HSD17B4: variants seen among roughly 807,000 people sequenced by gnomAD.
HSD17B4 encodes peroxisomal multifunctional enzyme type 2.
In HSD17B4, 70 loss-of-function variants were observed where a neutral mutation model predicts 101.0. The ratio of observed to expected loss-of-function variants is 0.69; its 90% CI spans 0.57 to 0.85. The LOEUF (loss-of-function observed/expected upper bound fraction) is 0.85, where lower values mean the gene tolerates loss of function less well. Ranked by LOEUF, HSD17B4 falls within the 40% of genes least tolerant of loss-of-function variation. The probability of loss-of-function intolerance (pLI) is 0.00; values close to 1 mark genes in which losing one functional copy is unlikely to be tolerated. For synonymous variants in HSD17B4, 347 were observed against 297.1 expected (o/e 1.17, Z -1.73); for missense variants, 984 against 892.4 (o/e 1.10, Z -1.31).
intron 10 of HSD17B4, chr5:119,493,533 A>T (rs923802760): frequency 5.7e-6 from 2 of 352,120 alleles, no homozygotes; most frequent in Non-Finnish European, 1.1e-5. Context: ...ATTATTATAT[A>T]ATTAAACTTT....
chr5:119,460,633 G>A (rs1022676735), intron 2 of HSD17B4, among the ~76,000 whole-genome samples: 5 of 152,118 alleles, frequency 3.3e-5, no homozygotes, highest in Non-Finnish European at 5.9e-5. Flanking sequence ...CATCTAACAT[G>A]TATTTATTAA....
Position 119,509,188 on chromosome 5 carries a change from C to A in HSD17B4, c.1381C>A (p.Leu461Ile). The A allele has an allele frequency of 6.2e-7, 1 of 1,610,222 alleles. No homozygotes were observed. Among genetic ancestry groups the A allele is most frequent in the Non-Finnish European group, 8.5e-7 (1 of 1,176,524 alleles). Reference sequence around the variant, plus strand: ...ACTTATATGCCACAATCAGTTCTCTCTCTTTCTTGTTGGCTCTGGAGGCTT... The same window carrying A: ...ACTTATATGCCACAATCAGTTCTCTATCTTTCTTGTTGGCTCTGGAGGCTT... ...KELICHNQFS[L>I]FLVGSGGFGG... Residue 461 changes from leucine to isoleucine, a missense_variant, in exon 16 of 24, where the codon CTC (leucine) becomes ATC (isoleucine). Leu to Ile is a conservative substitution (Grantham distance 5). Transcript: ENST00000510025.
intron 18 of HSD17B4, 44 bp downstream of exon 18, chr5:119,525,329 C>T (rs776479110): frequency 1.6e-5 from 18 of 1,156,758 alleles, no homozygotes; most frequent in South Asian, 1.3e-4. Context: ...ATTAGCTATT[C>T]GATATTTAAT....
chr5:119,454,907 T>C (rs1041181191), intron 1 of HSD17B4, among the ~76,000 whole-genome samples: 6 of 152,152 alleles, frequency 3.9e-5, no homozygotes, highest in African/African-American at 1.4e-4. Context: ...CAGATGTGTG[T>C]CACTACTCCT....
At chr5:119,515,816 T>A (rs1017322337) in intron 17 of HSD17B4, among the ~76,000 whole-genome samples, 18 of 152,168 alleles carry the variant, frequency 1.2e-4, no homozygotes, top group African/African-American at 4.1e-4. Context: ...TTTAAAAAAA[T>A]TTTTGGTTGT....
intron 8 of HSD17B4, among the ~76,000 whole-genome samples, chr5:119,487,677 C>G (rs889328112): frequency 6.6e-6 from 1 of 152,096 alleles, no homozygotes; most frequent in African/African-American, 2.4e-5. Flanking sequence ...GTAATAGATA[C>G]TCTGTTGCAT....
At chr5:119,483,831 G>T in intron 8 of HSD17B4, among the ~76,000 whole-genome samples, 1 of 152,010 alleles carries the variant, frequency 6.6e-6, no homozygotes, top group East Asian at 1.9e-4. Context: ...ATATCTAACA[G>T]ATATGGACAT....
intron 16 of HSD17B4, among the ~76,000 whole-genome samples, chr5:119,512,044 G>A (rs1039378129): frequency 6.6e-6 from 1 of 152,048 alleles, no homozygotes; most frequent in Admixed American, 6.6e-5. Flanking sequence ...AGGAAATTTG[G>A]AGCTGAAAGT....
chr5:119,500,769 G>A (rs904719567), intron 13 of HSD17B4, among the ~76,000 whole-genome samples: 8 of 152,228 alleles, frequency 5.3e-5, no homozygotes, highest in Admixed American at 4.6e-4. Flanking sequence ...TGAGGTATGA[G>A]GAGTATCATG....
chr5:119,524,460 C>G lies in HSD17B4; in HGVS notation c.1504-756C>G, dbSNP rs140733095. 8.1e-4 allele frequency among the ~76,000 whole-genome samples: 123 copies of G among 152,196 alleles called. 1 individual carries two copies. Among genetic ancestry groups the G allele is most frequent in the Middle Eastern group, 3.4e-3 (1 of 294 alleles). On this transcript the variant is annotated intron_variant, in intron 17 of 23. Transcript: ENST00000510025. ...AAAGGGAAGAAGTCTTGAGGCTGACCTAAAAGGGTCGGTCAAGTTTACAGA... is the reference window on the plus strand; with the variant it reads ...AAAGGGAAGAAGTCTTGAGGCTGACGTAAAAGGGTCGGTCAAGTTTACAGA...
In HSD17B4 at chr5:119,525,246, A is replaced by T; in HGVS notation, c.1534A>T (p.Asn512Tyr). The change falls in exon 18 of 24, where the codon AAT (asparagine) becomes TAT (tyrosine). Residue 512 changes from asparagine (N) to tyrosine (Y), a missense_variant. Physicochemically the swap from Asn to Tyr is moderately radical, Grantham distance 143 (BLOSUM62 -2). Coordinates refer to ENST00000510025, the MANE Select transcript of HSD17B4 (RefSeq NM_000414.4). ...TTTGTACCGCCTCAGTGGAGACTGG[A>T]ATCCCTTACACATTGATCCTAACTT... ...AALYRLSGDW[N>Y]PLHIDPNFAS... 6.2e-7 allele frequency: 1 copy of T among 1,612,416 alleles called. No individual in the cohort carries two copies. The highest frequency in any genetic ancestry group is 8.5e-7 in the Non-Finnish European group (1 of 1,178,706).
intron 14 of HSD17B4, among the ~76,000 whole-genome samples, chr5:119,505,191 GTT>G (rs80250743): frequency 6.1e-5 from 9 of 146,966 alleles, no homozygotes; most frequent in East Asian, 2.0e-4. Context: ...TTCCAGCTTT[GTT>G]TTTTTTTTTT....
chr5:119,527,148 C>A lies in HSD17B4; in HGVS notation c.1696C>A (p.Pro566Thr), dbSNP rs372613079. ...TTTTTTAAAGGCTCGTTTTGCAAAA[C>A]CAGTATATCCAGGACAAACTCTACA... ...FKAIKARFAK[P>T]VYPGQTLQTE... Residue 566 changes from proline (P) to threonine (T), a missense_variant, in exon 20 of 24, where the codon CCA becomes ACA. Coordinates refer to ENST00000510025, the MANE Select transcript of HSD17B4 (RefSeq NM_000414.4). 3.1e-6 allele frequency: 5 copies of A among 1,599,782 alleles called. No homozygotes were observed. In the East Asian group the frequency reaches 1.1e-4, roughly 36 times the overall value.
chr5:119,522,306 GTGC>G (rs1580688279), intron 17 of HSD17B4, among the ~76,000 whole-genome samples: 1 of 152,142 alleles, frequency 6.6e-6, no homozygotes, highest in African/African-American at 2.4e-5. Context: ...TGGTGTATAT[GTGC>G]TACATTTTTT....
intron 16 of HSD17B4, among the ~76,000 whole-genome samples, chr5:119,513,838 C>T (rs1461573838): frequency 3.9e-5 from 6 of 152,132 alleles, no homozygotes; most frequent in South Asian, 2.1e-4. Context: ...AAACTACCAT[C>T]GCGGCACTGT....
Position 119,536,562 on chromosome 5 carries a change from A to G in HSD17B4, c.2121+12A>G, listed in dbSNP as rs770754355. 7.5e-6 allele frequency: 12 copies of G among 1,610,664 alleles called. No homozygotes were observed. Among genetic ancestry groups the G allele is most frequent in the Admixed American group, 6.7e-5 (4 of 59,846 alleles). On this transcript the variant is annotated intron_variant, in intron 23 of 23. Coordinates refer to ENST00000510025, the MANE Select transcript of HSD17B4 (RefSeq NM_000414.4). ...TTGACCCTCAGAAGGTAATGTTCTC[A>G]AATGTTCATTTATTCATTGTTTTAT... is the stretch of plus-strand genomic sequence containing the variant.
chr5:119,453,179 GT>G (rs1421983573), intron 1 of HSD17B4, among the ~76,000 whole-genome samples: 1 of 152,208 alleles, frequency 6.6e-6, no homozygotes, highest in Non-Finnish European at 1.5e-5. Context: ...CCCCGTTGGA[GT>G]TTGTATGCTT....
intron 2 of HSD17B4, 127 bp downstream of exon 2, chr5:119,456,495 C>A: frequency 2.7e-6 from 2 of 751,378 alleles, no homozygotes; most frequent in Non-Finnish European, 4.6e-6. Context: ...TTACTTTTGC[C>A]AGAAGGTTTT....
intron 2 of HSD17B4, among the ~76,000 whole-genome samples, chr5:119,469,162 C>T (rs375973465): frequency 6.6e-6 from 1 of 151,366 alleles, no homozygotes; most frequent in Non-Finnish European, 1.5e-5. Context: ...CTATATTTTT[C>T]TTGTATCTCA....
Sources: gnomAD v4.1 joint callset for allele counts (sites outside exome capture counted in the v4.1 genomes callset) on GRCh38, gnomAD v4.1.1 for gene constraint, MANE v1.5 for transcripts, NCBI Gene and HGNC (gene_info 2026-07-23, HGNC 2026-07-21) for gene names.